LSAMP: variants seen among roughly 807,000 people sequenced by gnomAD.
The protein encoded by LSAMP is limbic system associated membrane protein, also known as limbic system-associated membrane protein.
LSAMP carries 7 observed loss-of-function variants against 38.6 expected under a neutral mutation model. That is an observed-to-expected ratio of 0.18 (90% CI 0.10 to 0.34). The LOEUF (loss-of-function observed/expected upper bound fraction) is 0.34. Among genes scored for constraint, LSAMP ranks in the 10% least tolerant of loss-of-function variants. The pLI is 1.00. For missense variants in LSAMP, 313 were observed against 420.0 expected, an observed-to-expected ratio of 0.75 and a Z score of 2.23; for synonymous variants, 154 against 166.8, an observed-to-expected ratio of 0.92 and a Z score of 0.59.
At chr3:116,313,510 T>C (rs992509533) in intron 1 of LSAMP, among the ~76,000 whole-genome samples, 1 of 152,170 alleles carries the variant, frequency 6.6e-6, no homozygotes, top group African/African-American at 2.4e-5. Context: ...TGTTTTCTCT[T>C]ATTCAAGTGA....
chr3:115,923,223 C>T (rs1937422402), intron 3 of LSAMP, among the ~76,000 whole-genome samples: 1 of 152,176 alleles, frequency 6.6e-6, no homozygotes, highest in South Asian at 2.1e-4. Context: ...TGGGCAGCCT[C>T]CAAAGAGCCA....
At chr3:115,846,867 G>A (rs1352286371) in intron 4 of LSAMP, among the ~76,000 whole-genome samples, 2 of 152,114 alleles carry the variant, frequency 1.3e-5, no homozygotes, top group Non-Finnish European at 2.9e-5. Flanking sequence ...GCGACACAGT[G>A]GATATAAACC....
chr3:115,891,418 A>T (rs931333330), intron 3 of LSAMP, among the ~76,000 whole-genome samples: 9 of 152,012 alleles, frequency 5.9e-5, no homozygotes, highest in Non-Finnish European at 1.2e-4. Flanking sequence ...AAGATAAAGG[A>T]CATGCGAAGA....
intron 1 of LSAMP, among the ~76,000 whole-genome samples, chr3:116,121,034 AG>A (rs1708863932): frequency 6.6e-6 from 1 of 152,200 alleles, no homozygotes; most frequent in Non-Finnish European, 1.5e-5. Flanking sequence ...CACTCAGACT[AG>A]GGGCAATGTG....
intron 2 of LSAMP, among the ~76,000 whole-genome samples, chr3:116,059,355 A>G (rs1941549897): frequency 6.6e-6 from 1 of 152,234 alleles, no homozygotes; most frequent in Non-Finnish European, 1.5e-5. Flanking sequence ...AAATATAATC[A>G]GGAGAAGATG....
intron 6 of LSAMP, among the ~76,000 whole-genome samples, chr3:115,831,657 CTT>C (rs1207433014): frequency 6.6e-6 from 1 of 152,200 alleles, no homozygotes; most frequent in Non-Finnish European, 1.5e-5. Flanking sequence ...AGAGCTGACT[CTT>C]TCCTCATTTT....
At chr3:116,077,758 C>T (rs1313611792) in intron 2 of LSAMP, among the ~76,000 whole-genome samples, 5 of 152,148 alleles carry the variant, frequency 3.3e-5, no homozygotes, top group Admixed American at 1.3e-4. Context: ...ACATAGTATA[C>T]CCAGTTGTCA....
At chr3:116,351,334 C>T (rs970418799) in intron 1 of LSAMP, among the ~76,000 whole-genome samples, 8 of 151,976 alleles carry the variant, frequency 5.3e-5, no homozygotes, top group Non-Finnish European at 1.0e-4. Flanking sequence ...TGATCAAAAG[C>T]TAGACATGTG....
At chr3:115,973,951 T>C (rs1011622616) in intron 3 of LSAMP, among the ~76,000 whole-genome samples, 1 of 152,210 alleles carries the variant, frequency 6.6e-6, no homozygotes, top group African/African-American at 2.4e-5. Flanking sequence ...GCACAACCTA[T>C]ACCACTTGTA....
At chr3:116,175,104 C>T (rs557852741) in intron 1 of LSAMP, among the ~76,000 whole-genome samples, 1 of 152,064 alleles carries the variant, frequency 6.6e-6, no homozygotes, top group African/African-American at 2.4e-5. Flanking sequence ...CCTTTACTCA[C>T]AGTATATAAC....
chr3:115,804,276 T>A lies in LSAMP; in HGVS notation c.*6041A>T, dbSNP rs1933580623. 6.6e-6 allele frequency: 1 copy of A among 152,176 alleles called. No individual in the cohort carries two copies. The highest frequency in any genetic ancestry group is 2.4e-5 in the African/African-American group (1 of 41,448). 9.4% of individuals were successfully genotyped at this position (152,176 alleles called of 1,614,324 possible). A position where few individuals can be genotyped will look rare whatever the true frequency, so the allele number is the denominator to read the frequency against. ...AAACAGTGCTGGGCACAGCACTAAGTGAATATTAAATTCTTATTCAGAATA... is the reference window on the plus strand; with the variant it reads ...AAACAGTGCTGGGCACAGCACTAAGAGAATATTAAATTCTTATTCAGAATA... On this transcript the variant is annotated 3_prime_UTR_variant, in exon 7 of 7. Transcript: ENST00000490035.
chr3:115,931,832 T>C (rs540546742), intron 3 of LSAMP, among the ~76,000 whole-genome samples: 3 of 152,302 alleles, frequency 2.0e-5, no homozygotes, highest in African/African-American at 7.2e-5. Context: ...AAATGTTGAG[T>C]AACTGTCTCC....
intron 3 of LSAMP, among the ~76,000 whole-genome samples, chr3:115,919,001 A>G (rs1174107178): frequency 6.6e-6 from 1 of 152,140 alleles, no homozygotes; most frequent in African/African-American, 2.4e-5. Context: ...TAATCTTAAC[A>G]CTATCTACAA....
At chr3:116,252,078 C>T (rs1460636333) in intron 1 of LSAMP, among the ~76,000 whole-genome samples, 1 of 152,202 alleles carries the variant, frequency 6.6e-6, no homozygotes, top group Non-Finnish European at 1.5e-5. Context: ...AGCGTCTCTG[C>T]TCCTCTCACT....
intron 1 of LSAMP, 74 bp downstream of exon 1, chr3:116,444,803 C>T: frequency 6.6e-7 from 1 of 1,511,866 alleles, no homozygotes; most frequent in South Asian, 1.2e-5. Context: ...CACACACACA[C>T]ACACACAAAC....
intron 3 of LSAMP, among the ~76,000 whole-genome samples, 194 bp downstream of exon 3, chr3:116,019,321 C>A (rs1940573368): frequency 6.6e-6 from 1 of 151,924 alleles, no homozygotes; most frequent in East Asian, 1.9e-4. Context: ...ACCATGAGGA[C>A]CCTAAATAAA....
chr3:116,176,861 T>C (rs1179666730), intron 1 of LSAMP, among the ~76,000 whole-genome samples: 3 of 152,186 alleles, frequency 2.0e-5, no homozygotes, highest in African/African-American at 7.2e-5. Flanking sequence ...AAATAGGTGT[T>C]AAAAAGCTTC....
At chr3:116,021,232 G>A (rs1940629641) in intron 2 of LSAMP, among the ~76,000 whole-genome samples, 1 of 151,998 alleles carries the variant, frequency 6.6e-6, no homozygotes, top group East Asian at 1.9e-4. Flanking sequence ...GGGGTTAAGG[G>A]TCGTTTTCTC....
At chr3:116,234,194 T>A (rs2046438173) in intron 1 of LSAMP, among the ~76,000 whole-genome samples, 1 of 152,220 alleles carries the variant, frequency 6.6e-6, no homozygotes, top group South Asian at 2.1e-4. Flanking sequence ...AATAGGGGCT[T>A]TTCTTAGCTG....
Sources: gnomAD v4.1 joint callset for allele counts (sites outside exome capture counted in the v4.1 genomes callset) on GRCh38, gnomAD v4.1.1 for gene constraint, MANE v1.5 for transcripts, NCBI Gene and HGNC (gene_info 2026-07-23, HGNC 2026-07-21) for gene names.